CTNNA2: variants seen among roughly 807,000 people sequenced by gnomAD.
CTNNA2 encodes catenin alpha-2.
In CTNNA2, 42 loss-of-function variants were observed where a neutral mutation model predicts 101.0. The observed-to-expected ratio is 0.42, with a 90% CI of 0.32 to 0.54. The LOEUF is 0.54. CTNNA2 is among the 20% of genes least tolerant of loss of function. CTNNA2 has a pLI of 0.14. For missense variants in CTNNA2, 871 were observed against 1,223.1 expected (o/e 0.71, Z 4.29); for synonymous variants, 450 against 456.4 (o/e 0.99, Z 0.18).
intron 1 of CTNNA2, among the ~76,000 whole-genome samples, chr2:79,633,056 G>A (rs79407512): frequency 3.3e-5 from 5 of 152,320 alleles, no homozygotes; most frequent in Non-Finnish European, 7.3e-5. Flanking sequence ...AAGTCCATCA[G>A]TCTGAACACA....
At chr2:80,193,097 T>A (rs1358201905) in intron 7 of CTNNA2, among the ~76,000 whole-genome samples, 2 of 152,230 alleles carry the variant, frequency 1.3e-5, no homozygotes, top group African/African-American at 4.8e-5. Flanking sequence ...TGCTTTCATA[T>A]TCATAAAATG....
chr2:79,652,663 T>C (rs1299174584), intron 2 of CTNNA2, among the ~76,000 whole-genome samples: 1 of 152,054 alleles, frequency 6.6e-6, no homozygotes, highest in African/African-American at 2.4e-5. Flanking sequence ...CCCAATCACA[T>C]CCAAAAAGGC....
At chr2:79,425,648 T>G (rs1230984247) in intron 4 of CTNNA2, among the ~76,000 whole-genome samples, 1 of 152,124 alleles carries the variant, frequency 6.6e-6, no homozygotes, top group Non-Finnish European at 1.5e-5. Context: ...GGCCCCACCT[T>G]TTAATGCTGT....
chr2:80,457,086 G>GT (rs199586730), intron 9 of CTNNA2, among the ~76,000 whole-genome samples: 16 of 150,768 alleles, frequency 1.1e-4, no homozygotes, highest in East Asian at 7.8e-4. Context: ...AATTTTACAT[G>GT]TTTTTTTTTG....
intron 12 of CTNNA2, among the ~76,000 whole-genome samples, chr2:80,564,288 T>TGCTCAA (rs1467327470): frequency 3.3e-5 from 5 of 152,244 alleles, no homozygotes; most frequent in Non-Finnish European, 7.3e-5. Flanking sequence ...ATCATGCTCA[T>TGCTCAA]GCTCAATACT....
chr2:80,264,977 GTTTT>G (rs34918157), intron 7 of CTNNA2, among the ~76,000 whole-genome samples: 2 of 139,392 alleles, frequency 1.4e-5, no homozygotes, highest in African/African-American at 2.7e-5. Flanking sequence ...GGGAAGAGGT[GTTTT>G]TTTTTTTTTT....
chr2:79,961,131 G>C (rs1689598237), intron 7 of CTNNA2, among the ~76,000 whole-genome samples: 1 of 152,188 alleles, frequency 6.6e-6, no homozygotes, highest in South Asian at 2.1e-4. Flanking sequence ...CAAATCTCAG[G>C]ATGTATTATA....
chr2:79,499,473 C>A (rs1671296547), intron 4 of CTNNA2, among the ~76,000 whole-genome samples: 1 of 152,152 alleles, frequency 6.6e-6, no homozygotes, highest in African/African-American at 2.4e-5. Context: ...AGATTATGTT[C>A]TTCCCTGATC....
chr2:79,823,483 A>C (rs1431513601), intron 3 of CTNNA2, among the ~76,000 whole-genome samples: 1 of 152,144 alleles, frequency 6.6e-6, no homozygotes, highest in Non-Finnish European at 1.5e-5. Context: ...GCATCACTGC[A>C]CTGCAGCCTG....
chr2:80,641,753 C>G (rs17019557), intron 18 of CTNNA2, among the ~76,000 whole-genome samples: 2 of 151,666 alleles, frequency 1.3e-5, no homozygotes, highest in African/African-American at 2.4e-5. Flanking sequence ...TTGTTGATGA[C>G]GTTATATCTT....
intron 2 of CTNNA2, among the ~76,000 whole-genome samples, chr2:79,239,710 A>C (rs1261095657): frequency 2.0e-5 from 3 of 152,196 alleles, no homozygotes; most frequent in Non-Finnish European, 4.4e-5. Context: ...GATCTAATTA[A>C]ACTAAAGAGT....
chr2:79,400,160 C>T (rs1678274488), intron 4 of CTNNA2, among the ~76,000 whole-genome samples: 1 of 152,048 alleles, frequency 6.6e-6, no homozygotes, highest in Admixed American at 6.6e-5. Flanking sequence ...GTTGCATTCT[C>T]TTGAGTTTCT....
At chr2:79,767,806 A>G (rs1003476051) in intron 3 of CTNNA2, among the ~76,000 whole-genome samples, 1 of 151,538 alleles carries the variant, frequency 6.6e-6, no homozygotes, top group Non-Finnish European at 1.5e-5. Context: ...ATGGTATCCA[A>G]GATGCAAGGC....
At chr2:79,716,263 T>C in intron 2 of CTNNA2, among the ~76,000 whole-genome samples, 1 of 152,314 alleles carries the variant, frequency 6.6e-6, no homozygotes, top group East Asian at 1.9e-4. Context: ...GTCATTGATT[T>C]ATTATTTATT....
intron 3 of CTNNA2, among the ~76,000 whole-genome samples, chr2:79,826,960 TG>T (rs1678492294): frequency 1.3e-5 from 2 of 152,352 alleles, no homozygotes; most frequent in South Asian, 4.1e-4. Context: ...ACCAGGCTTA[TG>T]GCATAAATCC....
intron 12 of CTNNA2, among the ~76,000 whole-genome samples, chr2:80,572,123 T>C (rs2149698425): frequency 6.6e-6 from 1 of 152,292 alleles, no homozygotes; most frequent in Non-Finnish European, 1.5e-5. Flanking sequence ...TTCTCCCATC[T>C]GTAGTAGAAG....
chr2:79,915,279 G>A lies in CTNNA2; in HGVS notation c.1056+5482G>A, dbSNP rs115821919. On this transcript the variant is annotated intron_variant, in intron 7 of 18. Coordinates refer to ENST00000402739, the MANE Select transcript of CTNNA2 (RefSeq NM_001282597.3). ...TCTTTCCAATGTTTCTGAGCATATA[G>A]GAGTGGTATATTTACACACACACAC... Among the ~76,000 whole-genome samples, 818 of 144,638 alleles carry A rather than the reference G, an allele frequency of 5.7e-3. 12 individuals carry two copies. The highest frequency in any genetic ancestry group is 0.021 in the African/African-American group (801 of 38,172). The allele number at this position is 144,638 out of a possible 152,430, so 94.9% of individuals were successfully genotyped here. A position where few individuals can be genotyped will look rare whatever the true frequency, so the allele number is the denominator to read the frequency against.
intron 7 of CTNNA2, among the ~76,000 whole-genome samples, chr2:80,190,393 G>T (rs551997976): frequency 1.3e-5 from 2 of 152,070 alleles, no homozygotes; most frequent in African/African-American, 4.8e-5. Context: ...AACAGCATGC[G>T]GTTTGTATAG....
chr2:80,319,813 A>G (rs1380276171), intron 7 of CTNNA2, among the ~76,000 whole-genome samples: 1 of 152,218 alleles, frequency 6.6e-6, no homozygotes, highest in African/African-American at 2.4e-5. Flanking sequence ...GACATATTCA[A>G]AAGTCCTCCA....
Sources: allele counts gnomAD v4.1 joint callset (sites outside exome capture counted in the v4.1 genomes callset), GRCh38; gene constraint gnomAD v4.1.1; transcripts MANE v1.5; gene names NCBI Gene and HGNC (gene_info 2026-07-23, HGNC 2026-07-21).